Variants in ACOX3 observed in about 807,000 individuals in gnomAD.
ACOX3 encodes peroxisomal acyl-coenzyme A oxidase 3.
A neutral mutation model predicts 81.5 loss-of-function variants in ACOX3; 73 were observed. The observed-to-expected ratio is 0.90, with a 90% CI of 0.74 to 1.09. ACOX3 has a LOEUF of 1.09. ACOX3 is among the 50% of genes least tolerant of loss of function. The probability of loss-of-function intolerance (pLI) is 0.00; values close to 1 mark genes in which losing one functional copy is unlikely to be tolerated. For missense variants in ACOX3, 947 were observed against 928.0 expected (o/e 1.02, Z -0.27); for synonymous variants, 387 against 375.1 (o/e 1.03, Z -0.37).
intron 1 of ACOX3, chr4:8,428,477 T>C (rs1723732847): frequency 6.6e-6 from 1 of 152,382 alleles, no homozygotes; most frequent in Admixed American, 6.5e-5. Flanking sequence ...TCGGCCTCCG[T>C]CCGTCCCATG....
At position 8,381,399 on chromosome 4, in the gene ACOX3, T is replaced by C; in HGVS notation, c.1653+93A>G. 5.9e-6 allele frequency: 7 copies of C among 1,194,616 alleles called. No homozygotes were observed. The highest frequency in any genetic ancestry group is 8.5e-6 in the Non-Finnish European group (7 of 827,540). The allele number at this position is 1,194,616 out of a possible 1,614,324, so 74.0% of individuals were successfully genotyped here. On this transcript the variant is annotated intron_variant, in intron 14 of 17. Transcript: ENST00000356406. The surrounding 1 kb of genome is among the most constrained non-coding windows in gnomAD (Gnocchi z 4.3). The stretch of plus-strand genomic sequence containing the variant: ...TCACGGGAGCTCGGGGTCTGGGGCC[T>C]GAATTGCCAGGATGTTCAAACTCCC...
Position 8,416,459 on chromosome 4 carries a change from G to A in ACOX3, c.63C>T (p.Leu21=), listed in dbSNP as rs74636868. 2.4e-4 allele frequency: 380 copies of A among 1,614,078 alleles called. No homozygotes were observed. The highest frequency in any genetic ancestry group is 3.1e-4 in the Non-Finnish European group (368 of 1,179,984). The part of the protein sequence containing the change: ...ALLPEFPRGP[L]DAYRARASFS... ...AGGACGCTCTTGCTCGGTAGGCATCGAGGGGCCCCCTGGGGAATTCTGGGA... is the reference window on the plus strand; with the variant it reads ...AGGACGCTCTTGCTCGGTAGGCATCAAGGGGCCCCCTGGGGAATTCTGGGA... Residue 21 remains leucine, a synonymous_variant, in exon 2 of 18, where the codon CTC becomes CTT. Transcript: ENST00000356406. The surrounding 1 kb of genome is among the most constrained non-coding windows in gnomAD (Gnocchi z 4.2).
Position 8,368,952 on chromosome 4 carries a change from T to C in ACOX3, c.1984-1872A>G, listed in dbSNP as rs1715813367. Among the ~76,000 whole-genome samples, 1 of 152,140 alleles carries C rather than the reference T, an allele frequency of 6.6e-6. No homozygotes were observed. The highest frequency in any genetic ancestry group is 6.5e-5 in the Admixed American group (1 of 15,276). Reference sequence around the variant, plus strand: ...GCCTCAGCCTTCCAAAGTGCTAGGATAACAGGTGTGAGCCACCATGCTCAG... The same window carrying C: ...GCCTCAGCCTTCCAAAGTGCTAGGACAACAGGTGTGAGCCACCATGCTCAG... On this transcript the variant is annotated intron_variant, in intron 17 of 17. Coordinates refer to ENST00000356406, the MANE Select transcript of ACOX3 (RefSeq NM_003501.3). The surrounding 1 kb of genome is among the most constrained non-coding windows in gnomAD (Gnocchi z 5.9).
Position 8,426,028 on chromosome 4 carries a change from A to G in ACOX3, c.-14-9493T>C, listed in dbSNP as rs540164998. ...GGCCTGCTCTGTTGCCCATAGCCTT[A>G]TTAAGAATACAAAACTCCCCCCAAA... On this transcript the variant is annotated intron_variant, in intron 1 of 17. Transcript: ENST00000356406. Among the ~76,000 whole-genome samples, 59 of 152,254 alleles carry G rather than the reference A, an allele frequency of 3.9e-4. No homozygotes were observed. In the South Asian group the frequency reaches 0.012, roughly 32 times the overall value.
At position 8,392,412 on chromosome 4, in the gene ACOX3, G is replaced by A. The variant is rs1267468406; in HGVS notation, c.1221C>T (p.Ser407=). The change falls in exon 11 of 18, where the codon AGC becomes AGT. Residue 407 remains serine (S), a synonymous_variant. Coordinates refer to ENST00000356406, the MANE Select transcript of ACOX3 (RefSeq NM_003501.3). The part of the protein sequence containing the change: ...GREIHALASA[S]KPLASWTTQQ... ...GGGTGGTCCACGAGGCCAGGGGCTT[G>A]CTGGCCGATGCCAGGGCGTGGATCT... 6.2e-7 allele frequency: 1 copy of A among 1,608,814 alleles called. No homozygotes were observed. Among genetic ancestry groups the A allele is most frequent in the East Asian group, 2.2e-5 (1 of 44,564 alleles).
intron 6 of ACOX3, among the ~76,000 whole-genome samples, chr4:8,409,998 T>C (rs1428181612): frequency 7.5e-5 from 11 of 145,934 alleles, no homozygotes; most frequent in African/African-American, 2.3e-4. Context: ...GCTATCTGCA[T>C]TGTGGGCAGG....
At position 8,366,838 on chromosome 4, in the gene ACOX3, C is replaced by T. The variant is rs549351714; in HGVS notation, c.*123G>A. On this transcript the variant is annotated 3_prime_UTR_variant, in exon 18 of 18. Transcript: ENST00000356406. ...AGTTGAGGCCAATCAGCAGTTTAGG[C>T]GCACAGGTGCGGGCTCAGAAAGCAG... 30 of 1,403,650 alleles carry T rather than the reference C, an allele frequency of 2.1e-5. No homozygotes were observed. The highest frequency in any genetic ancestry group is 8.5e-5 in the African/African-American group (6 of 70,406). The allele number at this position is 1,403,650 out of a possible 1,614,324, so 86.9% of individuals were successfully genotyped here.
chr4:8,378,069 G>C (rs971057551), intron 14 of ACOX3, among the ~76,000 whole-genome samples: 1 of 152,212 alleles, frequency 6.6e-6, no homozygotes, highest in African/African-American at 2.4e-5. Context: ...TCTCAGGCTC[G>C]ATGCAGCTAA....
chr4:8,410,291 G>A lies in ACOX3; in HGVS notation c.608C>T (p.Thr203Ile). ...AKFWVGNMGK[T>I]ATHAVVFAKL... is the part of the protein sequence containing the mutation. ...AGCAAACACCACCGCGTGAGTGGCT[G>A]TCTTGCCCATGTTGCCAACCCAAAA... Residue 203 changes from threonine (T) to isoleucine (I), a missense_variant, in exon 6 of 18, where the codon ACA becomes ATA. Coordinates refer to ENST00000356406, the MANE Select transcript of ACOX3 (RefSeq NM_003501.3). 6.2e-7 allele frequency: 1 copy of A among 1,614,168 alleles called. No individual in the cohort carries two copies. Among genetic ancestry groups the A allele is most frequent in the Non-Finnish European group, 8.5e-7 (1 of 1,180,008 alleles).
chr4:8,422,161 G>A (rs1327340220), intron 1 of ACOX3, among the ~76,000 whole-genome samples: 1 of 152,034 alleles, frequency 6.6e-6, no homozygotes, highest in Non-Finnish European at 1.5e-5. Context: ...AAAGGAAAGA[G>A]AGAGAGAAGA....
chr4:8,415,401 C>CT (rs1290849195), intron 3 of ACOX3, among the ~76,000 whole-genome samples: 8 of 150,678 alleles, frequency 5.3e-5, no homozygotes, highest in Non-Finnish European at 8.9e-5. Context: ...CTTTGGCCTA[C>CT]TTTTTAAATT....
Position 8,386,628 on chromosome 4 carries a change from C to T in ACOX3, c.1537+2545G>A, listed in dbSNP as rs1045749071. ...AGAAATAGGTCATCAAACGTGTCCC[C>T]GTTTCCCACTGGCACCCAAAAAGGC... On this transcript the variant is annotated intron_variant, in intron 13 of 17. Transcript: ENST00000356406. This position sits in a 1 kb window ranked among gnomAD's most constrained non-coding sequence, Gnocchi z 5.2. 2.0e-5 allele frequency among the ~76,000 whole-genome samples: 3 copies of T among 152,114 alleles called. No individual in the cohort carries two copies. Among genetic ancestry groups the T allele is most frequent in the African/African-American group, 2.4e-5 (1 of 41,430 alleles).
At chr4:8,383,821 A>G (rs1467691447) in intron 13 of ACOX3, among the ~76,000 whole-genome samples, 1 of 152,202 alleles carries the variant, frequency 6.6e-6, no homozygotes, top group African/African-American at 2.4e-5. Flanking sequence ...GCTCTGCAAC[A>G]TCCCAAGCTC....
rs1204345557 is a variant in ACOX3 at position 8,399,852 on chromosome 4, C to A, written c.777-200G>T. On this transcript the variant is annotated intron_variant, in intron 7 of 17. Coordinates refer to ENST00000356406, the MANE Select transcript of ACOX3 (RefSeq NM_003501.3). The surrounding 1 kb of genome is among the most constrained non-coding windows in gnomAD (Gnocchi z 4.9). ...CAGTGGCTCACGCCCAGAATCCCAA[C>A]TCTTTGGAAGACTGAGGCAGGAGGA... 6.6e-6 allele frequency among the ~76,000 whole-genome samples: 1 copy of A among 152,212 alleles called. No individual in the cohort carries two copies. The highest frequency in any genetic ancestry group is 1.5e-5 in the Non-Finnish European group (1 of 68,040).
intron 5 of ACOX3, among the ~76,000 whole-genome samples, chr4:8,412,870 C>T (rs1219808107): frequency 6.7e-6 from 1 of 150,292 alleles, no homozygotes; most frequent in East Asian, 2.0e-4. Context: ...GGCCCATCTC[C>T]CTCCACCCCT....
rs1722646426 is a variant in ACOX3, at chr4:8,419,038, C to T, written c.-14-2503G>A. ...TAAATGCCGGCTATAGTGGCACGTGCCTGTGGTCCCAGCTACTCTGGGGAG... is the reference window on the plus strand; with the variant it reads ...TAAATGCCGGCTATAGTGGCACGTGTCTGTGGTCCCAGCTACTCTGGGGAG... On this transcript the variant is annotated intron_variant, in intron 1 of 17. Coordinates refer to ENST00000356406, the MANE Select transcript of ACOX3 (RefSeq NM_003501.3). This position sits in a 1 kb window ranked among gnomAD's most constrained non-coding sequence, Gnocchi z 4.2. Among the ~76,000 whole-genome samples, 1 of 152,020 alleles carries T rather than the reference C, an allele frequency of 6.6e-6. No homozygotes were observed. The highest frequency in any genetic ancestry group is 2.4e-5 in the African/African-American group (1 of 41,360).
intron 11 of ACOX3, among the ~76,000 whole-genome samples, chr4:8,392,064 T>C (rs1719054248): frequency 6.6e-6 from 1 of 152,236 alleles, no homozygotes; most frequent in Non-Finnish European, 1.5e-5. Context: ...TGTTCTGCAA[T>C]GGACCAGAGA....
chr4:8,421,142 A>G (rs1254228056), intron 1 of ACOX3, among the ~76,000 whole-genome samples: 6 of 152,202 alleles, frequency 3.9e-5, no homozygotes, highest in Non-Finnish European at 8.8e-5. Flanking sequence ...CTGGGCTCGT[A>G]TGGGGATTCT....
At chr4:8,362,236 A>G (rs1040345522), downstream of ACOX3, among the ~76,000 whole-genome samples, 1 of 152,246 alleles carries the variant, frequency 6.6e-6, no homozygotes, top group East Asian at 1.9e-4. Context: ...ATGAATATCA[A>G]GCAAAACAGG....
Sources: gnomAD v4.1 joint callset for allele counts (sites outside exome capture counted in the v4.1 genomes callset) on GRCh38, gnomAD v4.1.1 for gene constraint, Gnocchi (gnomAD v3.1) non-coding constraint, MANE v1.5 for transcripts, NCBI Gene and HGNC (gene_info 2026-07-23, HGNC 2026-07-21) for gene names.